The following RECK variants were observed in gnomAD, a reference collection of about 807,000 sequenced individuals.
RECK encodes the protein reversion inducing cysteine rich protein with kazal motifs, also known as reversion-inducing cysteine-rich protein with Kazal motifs.
RECK carries 69 observed loss-of-function variants against 115.1 expected under a neutral mutation model. That is an observed-to-expected ratio of 0.60 (90% confidence interval 0.49 to 0.73). The LOEUF (loss-of-function observed/expected upper bound fraction) is 0.73, where lower values mean the gene tolerates loss of function less well. Ranked by LOEUF, RECK falls within the 30% of genes least tolerant of loss-of-function variation. The pLI is 0.00. For missense variants in RECK, 1,047 were observed against 1,203.7 expected, an observed-to-expected ratio of 0.87 and a Z score of 1.93; for synonymous variants, 414 against 419.7, an observed-to-expected ratio of 0.99 and a Z score of 0.17.
At chr9:36,043,033 T>TG (rs1262756670) in intron 1 of RECK, among the ~76,000 whole-genome samples, 3 of 124,690 alleles carry the variant, frequency 2.4e-5, no homozygotes, top group African/African-American at 9.9e-5. Context: ...TTTTTTTTTT[T>TG]TTTTTTTGTT....
intron 13 of RECK, among the ~76,000 whole-genome samples, chr9:36,107,625 A>G (rs947281045): frequency 6.7e-6 from 1 of 149,888 alleles, no homozygotes; most frequent in African/African-American, 2.5e-5. Flanking sequence ...AAAAAAAAAT[A>G]CTGTTAGTTT....
intron 1 of RECK, among the ~76,000 whole-genome samples, chr9:36,052,014 A>C (rs571153263): frequency 6.6e-6 from 1 of 152,272 alleles, no homozygotes; most frequent in South Asian, 2.1e-4. Context: ...GCACACACTA[A>C]ATAGTAGCTA....
chr9:36,043,213 T>TTTC, intron 1 of RECK, among the ~76,000 whole-genome samples: 1 of 145,516 alleles, frequency 6.9e-6, no homozygotes, highest in Admixed American at 6.8e-5. Context: ...TTTTTTTTTT[T>TTTC]TTGCGTTTTT....
At position 36,121,627 on chromosome 9, in the gene RECK, G is replaced by A. The variant is rs761027943; in HGVS notation, c.2633G>A (p.Ser878Asn). ...VPQCDVFGYF[S>N]IESEIVILII... Reference sequence around the variant, plus strand: ...CAGTGTGATGTGTTTGGATACTTCAGCATTGAATCAGAAATTGTGATCCTG... The same window carrying A: ...CAGTGTGATGTGTTTGGATACTTCAACATTGAATCAGAAATTGTGATCCTG... The change falls in exon 20 of 21, where the codon AGC (serine) becomes AAC (asparagine). Residue 878 changes from serine to asparagine, a missense_variant. By Grantham distance (46) the Ser-to-Asn change is conservative (BLOSUM62 1). Coordinates refer to ENST00000377966, the MANE Select transcript of RECK (RefSeq NM_021111.3). 5.0e-6 allele frequency: 8 copies of A among 1,614,062 alleles called. No individual in the cohort carries two copies. The highest frequency in any genetic ancestry group is 1.7e-6 in the Non-Finnish European group (2 of 1,180,020).
At chr9:36,057,107 A>G in intron 2 of RECK, 1 of 756,096 alleles carries the variant, frequency 1.3e-6, no homozygotes, top group Non-Finnish European at 1.6e-6. Context: ...GAAGTGAGCC[A>G]TTTGGCTTGG....
intron 1 of RECK, among the ~76,000 whole-genome samples, chr9:36,051,557 G>C (rs1821302467): frequency 6.6e-6 from 1 of 152,112 alleles, no homozygotes; most frequent in South Asian, 2.1e-4. Context: ...CTTGACTCTT[G>C]TGGTGCATGA....
intron 1 of RECK, among the ~76,000 whole-genome samples, chr9:36,040,726 G>A (rs2061791006): frequency 6.6e-6 from 1 of 151,930 alleles, no homozygotes; most frequent in Admixed American, 6.6e-5. Context: ...GAGTGGTGTG[G>A]AGATAGGAGA....
chr9:36,106,688 A>G (rs1293299621), intron 13 of RECK, among the ~76,000 whole-genome samples: 1 of 152,190 alleles, frequency 6.6e-6, no homozygotes, highest in Non-Finnish European at 1.5e-5. Flanking sequence ...TTTAAATTTC[A>G]AGATAGTATT....
chr9:36,108,720 C>T (rs1307588995), intron 14 of RECK, among the ~76,000 whole-genome samples: 1 of 152,080 alleles, frequency 6.6e-6, no homozygotes, highest in Non-Finnish European at 1.5e-5. Context: ...GTAGGAACTA[C>T]ACTGTTAGGA....
chr9:36,071,887 T>C (rs1402167440), intron 6 of RECK, among the ~76,000 whole-genome samples: 4 of 152,210 alleles, frequency 2.6e-5, no homozygotes, highest in African/African-American at 9.7e-5. Flanking sequence ...GCTAAATGTA[T>C]AGAATGGTGC....
chr9:36,051,273 A>G (rs1821288812), intron 1 of RECK, among the ~76,000 whole-genome samples: 1 of 152,128 alleles, frequency 6.6e-6, no homozygotes, highest in African/African-American at 2.4e-5. Flanking sequence ...TTAGCTCTCT[A>G]CTGCTCTTTT....
At chr9:36,080,207 T>C (rs1822630770) in intron 6 of RECK, among the ~76,000 whole-genome samples, 2 of 152,218 alleles carry the variant, frequency 1.3e-5, no homozygotes, top group African/African-American at 4.8e-5. Context: ...ATGTCTAAAA[T>C]CCTTTCAAAT....
chr9:36,037,421 C>T (rs1177043425), intron 1 of RECK, among the ~76,000 whole-genome samples: 5 of 151,780 alleles, frequency 3.3e-5, no homozygotes, highest in Non-Finnish European at 5.9e-5. Flanking sequence ...TGCCCCCGCC[C>T]AGGATCGTCG....
intron 4 of RECK, among the ~76,000 whole-genome samples, chr9:36,061,394 A>ACACACACACACG (rs1491582897): frequency 5.9e-5 from 1 of 17,054 alleles, no homozygotes; most frequent in Non-Finnish European, 1.1e-4. Context: ...GTAATTTTCT[A>ACACACACACACG]CACACACACA....
At chr9:36,056,985 A>C (rs1821553731) in intron 2 of RECK, 1 of 985,268 alleles carries the variant, frequency 1.0e-6, no homozygotes, top group African/African-American at 1.7e-5. Context: ...CATAGCATTC[A>C]TGGATTTTAC....
intron 3 of RECK, 108 bp from the exon 4 acceptor site, chr9:36,060,011 T>C: frequency 2.1e-6 from 2 of 971,258 alleles, no homozygotes; most frequent in South Asian, 1.4e-5. Context: ...ATTGACTGTG[T>C]AGACATAGCC....
At chr9:36,049,598 C>T (rs1027710111) in intron 1 of RECK, among the ~76,000 whole-genome samples, 1 of 152,192 alleles carries the variant, frequency 6.6e-6, no homozygotes, top group Non-Finnish European at 1.5e-5. Context: ...CATGGGCCAC[C>T]GTTTGGGCAA....
rs375036003 is a variant in RECK, at chr9:36,083,350, T to C, written c.440-15T>C. The stretch of plus-strand genomic sequence containing the variant: ...GCTGTTTCCATGTCAGTGCCTTCTC[T>C]TTTTTTCTCCATAGTGGGCTCGGTT... On this transcript the variant is annotated splice_polypyrimidine_tract_variant and intron_variant, in intron 7 of 20. Coordinates refer to ENST00000377966, the MANE Select transcript of RECK (RefSeq NM_021111.3). The C allele has an allele frequency of 1.1e-5, 18 of 1,611,818 alleles. No individual in the cohort carries two copies. The African/African-American group carries it at 1.5e-4, about 13-fold the overall frequency.
At chr9:36,104,561 G>C (rs1176658211) in intron 12 of RECK, among the ~76,000 whole-genome samples, 1 of 149,968 alleles carries the variant, frequency 6.7e-6, no homozygotes, top group East Asian at 2.0e-4. Context: ...CCAAGCTGGA[G>C]TGCAGTGATG....
Sources: gnomAD v4.1 joint callset for allele counts (sites outside exome capture counted in the v4.1 genomes callset) on GRCh38, gnomAD v4.1.1 for gene constraint, MANE v1.5 for transcripts, NCBI Gene and HGNC (gene_info 2026-07-23, HGNC 2026-07-21) for gene names.